Variants in CRACD observed in about 807,000 individuals in gnomAD.
CRACD encodes capping protein inhibiting regulator of actin dynamics, also known as capping protein-inhibiting regulator of actin dynamics.
In CRACD, 56 loss-of-function variants were observed where a neutral mutation model predicts 106.8. That is an observed-to-expected ratio of 0.52 (90% CI 0.42 to 0.66). The LOEUF is 0.66. Ranked by LOEUF, CRACD falls within the 30% of genes least tolerant of loss-of-function variation. The pLI is 0.00. For missense variants in CRACD, 1,730 were observed against 1,623.2 expected (o/e 1.07, Z -1.13); for synonymous variants, 754 against 670.8 (o/e 1.12, Z -1.92).
At chr4:56,166,686 A>AAC (rs1196243081) in intron 1 of CRACD, among the ~76,000 whole-genome samples, 2 of 151,852 alleles carry the variant, frequency 1.3e-5, no homozygotes, top group African/African-American at 4.8e-5. Flanking sequence ...AAAAAAAAAA[A>AAC]AAAAAACCAT....
chr4:56,053,676 C>T (rs34577487), intron 1 of CRACD, among the ~76,000 whole-genome samples: 51,011 of 152,040 alleles, frequency 0.34, 10,079 homozygotes, highest in African/African-American at 0.55. Flanking sequence ...TTGGATACTC[C>T]TGTGTGCATG....
At chr4:56,138,164 A>C (rs918215109) in intron 1 of CRACD, among the ~76,000 whole-genome samples, 1 of 152,092 alleles carries the variant, frequency 6.6e-6, no homozygotes, top group Non-Finnish European at 1.5e-5. Flanking sequence ...GGATGATAAA[A>C]GGGATAATAT....
At chr4:56,151,001 T>C (rs182323469) in intron 1 of CRACD, among the ~76,000 whole-genome samples, 45 of 152,266 alleles carry the variant, frequency 3.0e-4, no homozygotes, top group African/African-American at 1.1e-3. Context: ...TTTATATATG[T>C]ATATATATTT....
At chr4:56,327,253 A>G (rs1746509473) in intron 10 of CRACD, among the ~76,000 whole-genome samples, 4 of 151,424 alleles carry the variant, frequency 2.6e-5, no homozygotes, top group Admixed American at 2.0e-4. Flanking sequence ...TCACTGAGGG[A>G]GTCCAGGAAT....
intron 1 of CRACD, among the ~76,000 whole-genome samples, chr4:56,146,400 T>C (rs1735380659): frequency 1.6e-5 from 2 of 127,724 alleles, no homozygotes; most frequent in African/African-American, 6.2e-5. Flanking sequence ...GTATCTCTTT[T>C]TTATTTTATT....
intron 2 of CRACD, among the ~76,000 whole-genome samples, chr4:56,263,267 G>T (rs746778193): frequency 6.6e-6 from 1 of 152,150 alleles, no homozygotes; most frequent in Non-Finnish European, 1.5e-5. Context: ...CCAGGTAGAA[G>T]AAAATGTGTA....
intron 8 of CRACD, 87 bp from the exon 9 acceptor site, chr4:56,323,290 A>G: frequency 8.5e-7 from 1 of 1,178,482 alleles, no homozygotes; most frequent in Non-Finnish European, 1.2e-6. Context: ...AGGGTTATTA[A>G]TATGTCACAA....
chr4:56,054,711 G>A (rs1276197543), intron 1 of CRACD, among the ~76,000 whole-genome samples: 1 of 152,154 alleles, frequency 6.6e-6, no homozygotes, highest in Non-Finnish European at 1.5e-5. Flanking sequence ...ACCCTGAAGA[G>A]ATGTTTTTAT....
intron 1 of CRACD, among the ~76,000 whole-genome samples, chr4:56,136,393 C>T (rs1244669300): frequency 6.6e-6 from 1 of 152,154 alleles, no homozygotes; most frequent in East Asian, 1.9e-4. Context: ...ATATGGAGGT[C>T]CGGTTGCTCC....
chr4:56,122,114 C>A (rs1454132976), intron 1 of CRACD, among the ~76,000 whole-genome samples: 1 of 152,010 alleles, frequency 6.6e-6, no homozygotes, highest in African/African-American at 2.4e-5. Context: ...TTCCAGGCTG[C>A]AGTGAGTTAT....
At chr4:56,298,052 G>A in intron 3 of CRACD, 162 bp from the exon 4 acceptor site, 1 of 680,278 alleles carries the variant, frequency 1.5e-6, no homozygotes, top group East Asian at 2.8e-5. Flanking sequence ...TGTCTACCCA[G>A]CTCCTTGGCT....
intron 1 of CRACD, among the ~76,000 whole-genome samples, chr4:56,096,051 G>A (rs984015498): frequency 1.3e-5 from 2 of 152,104 alleles, no homozygotes; most frequent in African/African-American, 2.4e-5. Flanking sequence ...ATATATTGAG[G>A]TGAGGAGGAT....
chr4:56,193,968 G>A (rs1447290892), intron 2 of CRACD, among the ~76,000 whole-genome samples: 1 of 151,940 alleles, frequency 6.6e-6, no homozygotes, highest in Non-Finnish European at 1.5e-5. Context: ...TTGATGACTT[G>A]GATTAAATGG....
chr4:56,308,469 A>C (rs987683718), intron 5 of CRACD, among the ~76,000 whole-genome samples: 2 of 129,428 alleles, frequency 1.5e-5, no homozygotes, highest in Non-Finnish European at 3.4e-5. Flanking sequence ...GTTTCACTTT[A>C]AAAAAAAAAA....
chr4:56,105,451 A>C (rs1408715079), intron 1 of CRACD, among the ~76,000 whole-genome samples: 1 of 152,168 alleles, frequency 6.6e-6, no homozygotes, highest in Non-Finnish European at 1.5e-5. Flanking sequence ...GTGAGCCCTG[A>C]TCATGCCACT....
Position 56,307,580 on chromosome 4 carries a change from G to A in CRACD, c.166G>A (p.Ala56Thr), listed in dbSNP as rs1233435135. 6.2e-7 allele frequency: 1 copy of A among 1,614,198 alleles called. No individual in the cohort carries two copies. Among genetic ancestry groups the A allele is most frequent in the Non-Finnish European group, 8.5e-7 (1 of 1,180,040 alleles). The change falls in exon 5 of 11, where the codon GCC (alanine) becomes ACC (threonine). Residue 56 changes from alanine to threonine, a missense_variant. This residue lies in a region of CRACD where 1,620 missense variants were observed against 1,481.6 expected (regional missense o/e 1.09). Transcript: ENST00000682029. ...CAAGTTTGGGCAGCGGTCACCCAAT[G>A]CCATTCCCATGAATAAGGCAAACAG... is the stretch of plus-strand genomic sequence containing the variant. The part of the protein sequence containing the change: ...NIKFGQRSPN[A>T]IPMNKANSGE...
At chr4:56,293,393 T>C (rs746080555) in intron 3 of CRACD, among the ~76,000 whole-genome samples, 1 of 152,228 alleles carries the variant, frequency 6.6e-6, no homozygotes, top group African/African-American at 2.4e-5. Context: ...CACACCCTGC[T>C]ACACCAGAGT....
chr4:56,159,235 G>T (rs771439314), intron 1 of CRACD, among the ~76,000 whole-genome samples: 2 of 152,160 alleles, frequency 1.3e-5, no homozygotes, highest in African/African-American at 4.8e-5. Context: ...TTGGGAACAG[G>T]TCTCTTTTAT....
chr4:56,238,797 G>A (rs1469425529), intron 2 of CRACD, among the ~76,000 whole-genome samples: 2 of 151,724 alleles, frequency 1.3e-5, no homozygotes, highest in Admixed American at 6.6e-5. Flanking sequence ...TACTTTTTTG[G>A]TTGCTACTGA....
Sources: gnomAD v4.1 joint callset for allele counts (sites outside exome capture counted in the v4.1 genomes callset) on GRCh38, gnomAD v4.1.1 for gene constraint, gnomAD v4.1.1 regional missense constraint, MANE v1.5 for transcripts, NCBI Gene and HGNC (gene_info 2026-07-23, HGNC 2026-07-21) for gene names.